Variants in DNAH12 observed in about 807,000 individuals in gnomAD.
DNAH12 encodes the protein axonemal beta dynein heavy chain 12.
DNAH12 carries 285 observed loss-of-function variants against 371.5 expected under a neutral mutation model. The ratio of observed to expected loss-of-function variants is 0.77; its 90% CI spans 0.70 to 0.85. The LOEUF (loss-of-function observed/expected upper bound fraction) is 0.85, where lower values mean the gene tolerates loss of function less well. Among genes scored for constraint, DNAH12 ranks in the 40% least tolerant of loss-of-function variants. The pLI is 0.00. For missense variants in DNAH12, 3,611 were observed against 3,689.4 expected, an observed-to-expected ratio of 0.98 and a Z score of 0.55; for synonymous variants, 1,200 against 1,213.0, an observed-to-expected ratio of 0.99 and a Z score of 0.22.
At chr3:57,555,872 A>G in the DNAH12 span, among the ~76,000 whole-genome samples, 4 of 152,222 alleles carry the variant, frequency 2.6e-5, no homozygotes, top group Admixed American at 6.5e-5. Context: ...AGCTGTGGAG[A>G]TGAAATGGGC....
rs1559529569 is a variant in DNAH12 at position 57,295,918 on chromosome 3, T to A, written c.11625-326A>T. On this transcript the variant is annotated intron_variant, in intron 72 of 73. Transcript: ENST00000495027. ...ACAGGAATAGTATTGCTTAATTTCC[T>A]GAGTGAAGCAGGAAATTCAGTATTT... 2.0e-5 allele frequency among the ~76,000 whole-genome samples: 3 copies of A among 152,218 alleles called. No homozygotes were observed. In the South Asian group the frequency reaches 6.2e-4, roughly 32 times the overall value.
At chr3:57,415,623 A>G in intron 37 of DNAH12, 59 bp from the exon 38 acceptor site, 1 of 1,470,162 alleles carries the variant, frequency 6.8e-7, no homozygotes. Flanking sequence ...ATACATTTCT[A>G]CTAAAGGAGG....
rs908319174 is a variant in DNAH12, at chr3:57,333,331, T to C, written c.9978+1134A>G. ...GATACATGTTCTTTTTAAGGCAACT[T>C]TTTTTTTTTTTTTTTTTTAGATGGA... On this transcript the variant is annotated intron_variant, in intron 62 of 73. Coordinates refer to ENST00000495027, the MANE Select transcript of DNAH12 (RefSeq NM_001366028.2). 5.0e-4 allele frequency among the ~76,000 whole-genome samples: 70 copies of C among 139,108 alleles called. 1 individual carries two copies. The highest frequency in any genetic ancestry group is 2.0e-3 in the African/African-American group (70 of 35,496). 91.3% of individuals were successfully genotyped at this position (139,108 alleles called of 152,430 possible).
At chr3:57,298,937 C>T (rs1307553388) in intron 70 of DNAH12, among the ~76,000 whole-genome samples, 1 of 152,266 alleles carries the variant, frequency 6.6e-6, no homozygotes, top group African/African-American at 2.4e-5. Context: ...AATGAGGTCT[C>T]AATTCATATT....
chr3:57,379,277 G>A lies in DNAH12; in HGVS notation c.8104C>T (p.Arg2702Cys), dbSNP rs2063339336. The change falls in exon 52 of 74, where the codon CGT becomes TGT. Residue 2702 changes from arginine to cysteine, a missense_variant. Physicochemically the swap from Arg to Cys is radical, Grantham distance 180 (BLOSUM62 -3). Coordinates refer to ENST00000495027, the MANE Select transcript of DNAH12 (RefSeq NM_001366028.2). ...NIPVTVMQKI[R>C]SEYLMNPEFD... ...TCAGGGTTCATTAAGTATTCACTAC[G>A]AATCTTCTGCATAACAGTCACCTAT... The A allele has an allele frequency of 6.6e-6, 1 of 151,980 alleles. No individual in the cohort carries two copies. The highest frequency in any genetic ancestry group is 1.9e-4 in the East Asian group (1 of 5,180). 9.4% of individuals were successfully genotyped at this position (151,980 alleles called of 1,614,324 possible). A position where few individuals can be genotyped will look rare whatever the true frequency, so the allele number is the denominator to read the frequency against.
chr3:57,302,529 GTATATA>G (rs71088055), intron 69 of DNAH12, among the ~76,000 whole-genome samples: 2,792 of 47,674 alleles, frequency 0.059, 103 homozygotes, highest in African/African-American at 0.09. Context: ...GGCATCAGGT[GTATATA>G]TATATATATA....
At chr3:57,343,921 T>C (rs782406149) in intron 60 of DNAH12, among the ~76,000 whole-genome samples, 6 of 152,234 alleles carry the variant, frequency 3.9e-5, no homozygotes, top group Admixed American at 1.3e-4. Context: ...TCCCTTGACC[T>C]TAATTATAAC....
At chr3:57,490,451 C>T (rs1372442508) in intron 11 of DNAH12, among the ~76,000 whole-genome samples, 1 of 152,088 alleles carries the variant, frequency 6.6e-6, no homozygotes, top group Non-Finnish European at 1.5e-5. Flanking sequence ...TAAAATTAAA[C>T]AAAGTAGTAT....
At chr3:57,325,238 C>T (rs1052008169) in intron 62 of DNAH12, among the ~76,000 whole-genome samples, 1 of 152,342 alleles carries the variant, frequency 6.6e-6, no homozygotes, top group Non-Finnish European at 1.5e-5. Flanking sequence ...CAGCACGCAG[C>T]TGGAGATCTG....
intron 11 of DNAH12, among the ~76,000 whole-genome samples, chr3:57,499,647 A>AAAATAT (rs1451248906): frequency 3.3e-4 from 6 of 17,960 alleles, no homozygotes; most frequent in Admixed American, 1.1e-3. Flanking sequence ...AAAAAAAAAA[A>AAAATAT]ATATATATAT....
rs1355871607 is a variant in DNAH12 at position 57,301,816 on chromosome 3, T to C, written c.11313A>G (p.Ile3771Met). 1 of 1,551,688 alleles carries C rather than the reference T, an allele frequency of 6.4e-7. No individual in the cohort carries two copies. Among genetic ancestry groups the C allele is most frequent in the Non-Finnish European group, 8.7e-7 (1 of 1,147,000 alleles). ...GSLLVGKVPEIWAKRSYPSLK... is the reference protein window; with the variant it reads ...GSLLVGKVPEMWAKRSYPSLK... ...GGCTTGGGTATGAACGTTTGGCCCATATTTCTGGAACCTTTCCAACAAGTA... is the reference window on the plus strand; with the variant it reads ...GGCTTGGGTATGAACGTTTGGCCCACATTTCTGGAACCTTTCCAACAAGTA... The change falls in exon 70 of 74, where the codon ATA (isoleucine) becomes ATG (methionine). Residue 3771 changes from isoleucine (I) to methionine (M), a missense_variant. By Grantham distance (10) the Ile-to-Met change is conservative. Transcript: ENST00000495027.
the DNAH12 span, among the ~76,000 whole-genome samples, chr3:57,550,576 A>T: frequency 2.6e-5 from 4 of 151,930 alleles, no homozygotes. Flanking sequence ...GCAGTGGTGC[A>T]ATCTTGGCTC....
At chr3:57,508,285 G>A in intron 7 of DNAH12, 97 bp downstream of exon 7, 7 of 1,126,584 alleles carry the variant, frequency 6.2e-6, no homozygotes, top group South Asian at 2.1e-5. Flanking sequence ...CTAGAGAAAA[G>A]TGTTGAAGAT....
chr3:57,451,149 A>G (rs1000719893), intron 25 of DNAH12, among the ~76,000 whole-genome samples: 1 of 152,194 alleles, frequency 6.6e-6, no homozygotes, highest in Non-Finnish European at 1.5e-5. Context: ...TACTAAGAAC[A>G]TTACCTAATA....
At chr3:57,507,916 C>T (rs1000466843) in intron 7 of DNAH12, 78 bp from the exon 8 acceptor site, 19 of 1,315,096 alleles carry the variant, frequency 1.4e-5, no homozygotes, top group Middle Eastern at 2.7e-4. Context: ...GGGCCGGGCT[C>T]GGTGGTTCAC....
chr3:57,476,414 A>C (rs2066525819), intron 13 of DNAH12, among the ~76,000 whole-genome samples: 1 of 152,034 alleles, frequency 6.6e-6, no homozygotes, highest in Non-Finnish European at 1.5e-5. Flanking sequence ...AAATACAAAA[A>C]TTAGCCAGGC....
At chr3:57,433,292 G>C (rs954456224) in intron 32 of DNAH12, 75 bp downstream of exon 32, 1 of 1,445,040 alleles carries the variant, frequency 6.9e-7, no homozygotes, top group Non-Finnish European at 9.1e-7. Context: ...TTTAAATAGA[G>C]TCCTAGTTTA....
chr3:57,537,829 C>T (rs1227219386), intron 2 of DNAH12, among the ~76,000 whole-genome samples: 1 of 151,956 alleles, frequency 6.6e-6, no homozygotes, highest in Non-Finnish European at 1.5e-5. Flanking sequence ...GGACTACAGG[C>T]ATGCACTACC....
intron 69 of DNAH12, among the ~76,000 whole-genome samples, chr3:57,307,894 C>T (rs1204008423): frequency 6.6e-6 from 1 of 152,192 alleles, no homozygotes; most frequent in African/African-American, 2.4e-5. Context: ...TTGCCACACA[C>T]CAGCAAAGGC....
Sources: gnomAD v4.1 joint callset for allele counts (sites outside exome capture counted in the v4.1 genomes callset) on GRCh38, gnomAD v4.1.1 for gene constraint, MANE v1.5 for transcripts, NCBI Gene and HGNC (gene_info 2026-07-23, HGNC 2026-07-21) for gene names.